Variants in SGCZ observed in about 807,000 individuals in gnomAD.
The protein encoded by SGCZ is sarcoglycan zeta, also known as zeta-sarcoglycan.
A neutral mutation model predicts 41.3 loss-of-function variants in SGCZ; 40 were observed. The ratio of observed to expected loss-of-function variants is 0.97; its 90% CI spans 0.75 to 1.26. The LOEUF is 1.26. Ranked by LOEUF, SGCZ falls within the 50% of genes most tolerant of loss-of-function variation. The probability of loss-of-function intolerance (pLI) is 0.00; values close to 1 mark genes in which losing one functional copy is unlikely to be tolerated. For missense variants in SGCZ, 552 were observed against 369.8 expected (o/e 1.49, Z -4.04); for synonymous variants, 206 against 137.5 (o/e 1.50, Z -3.49).
intron 1 of SGCZ, among the ~76,000 whole-genome samples, chr8:14,629,721 CT>C (rs33943778): frequency 0.35 from 52,850 of 151,836 alleles, 9,439 homozygotes; most frequent in East Asian, 0.63. Context: ...CTATTTAGGA[CT>C]TTTTTAGGGT....
intron 3 of SGCZ, among the ~76,000 whole-genome samples, chr8:14,298,806 CT>C (rs1186023529): frequency 6.6e-5 from 10 of 152,046 alleles, no homozygotes; most frequent in African/African-American, 2.4e-4. Flanking sequence ...CAAATTCTAA[CT>C]GGTGTGTGTG....
At position 15,034,672 on chromosome 8, in the gene SGCZ, T is replaced by C. The variant is rs188766393; in HGVS notation, c.39+202913A>G. 1.4e-4 allele frequency among the ~76,000 whole-genome samples: 22 copies of C among 152,200 alleles called. No homozygotes were observed. In the East Asian group the frequency reaches 3.1e-3, roughly 21 times the overall value. ...ACCAAAACATACTATAACCAAATGG[T>C]TGAAAGTATAAAACCAAGAGAGGAC... On this transcript the variant is annotated intron_variant, in intron 1 of 7. Transcript: ENST00000382080.
chr8:14,460,796 A>C (rs553580875), intron 2 of SGCZ, among the ~76,000 whole-genome samples: 3 of 152,284 alleles, frequency 2.0e-5, no homozygotes, highest in African/African-American at 7.2e-5. Flanking sequence ...TAAAGTTGGG[A>C]GTCTAAAATT....
At chr8:15,183,271 T>G (rs892981291) in intron 1 of SGCZ, among the ~76,000 whole-genome samples, 1 of 152,352 alleles carries the variant, frequency 6.6e-6, no homozygotes, top group African/African-American at 2.4e-5. Context: ...TGTACATAAT[T>G]TTCTATGCTA....
chr8:14,962,897 A>C (rs1443306422), intron 1 of SGCZ, among the ~76,000 whole-genome samples: 2 of 152,170 alleles, frequency 1.3e-5, no homozygotes, highest in African/African-American at 4.8e-5. Context: ...GACATGAAAA[A>C]CAAAAAATCC....
At chr8:14,204,632 A>G (rs560052408) in intron 4 of SGCZ, among the ~76,000 whole-genome samples, 1 of 152,286 alleles carries the variant, frequency 6.6e-6, no homozygotes, top group African/African-American at 2.4e-5. Context: ...AATTGACTAG[A>G]GAAAACCTCC....
intron 1 of SGCZ, among the ~76,000 whole-genome samples, chr8:14,598,111 C>A (rs568214780): frequency 2.5e-4 from 38 of 152,100 alleles, no homozygotes; most frequent in African/African-American, 8.7e-4. Context: ...TGTGCAATGG[C>A]CACCTCAGAT....
At chr8:14,427,414 G>C (rs1438401796) in intron 2 of SGCZ, among the ~76,000 whole-genome samples, 2 of 152,112 alleles carry the variant, frequency 1.3e-5, no homozygotes. Flanking sequence ...TTTGGACCAT[G>C]TAAATTCTTT....
intron 3 of SGCZ, among the ~76,000 whole-genome samples, chr8:14,284,530 G>A (rs376501099): frequency 1.5e-4 from 23 of 152,076 alleles, no homozygotes; most frequent in South Asian, 1.5e-3. Context: ...TTTTTATTCC[G>A]TACGTAGATG....
intron 2 of SGCZ, among the ~76,000 whole-genome samples, chr8:14,409,557 G>C (rs1021426148): frequency 6.6e-6 from 1 of 152,056 alleles, no homozygotes; most frequent in Non-Finnish European, 1.5e-5. Flanking sequence ...AAGACAGGGA[G>C]AGTTGTCTTT....
intron 4 of SGCZ, among the ~76,000 whole-genome samples, chr8:14,181,014 C>T (rs535028042): frequency 6.0e-4 from 91 of 152,182 alleles, no homozygotes; most frequent in Admixed American, 1.8e-3. Flanking sequence ...GAGTCGATAC[C>T]GTTTGCAAGG....
chr8:14,548,075 C>T (rs1281688449), intron 2 of SGCZ, among the ~76,000 whole-genome samples: 1 of 152,084 alleles, frequency 6.6e-6, no homozygotes, highest in African/African-American at 2.4e-5. Flanking sequence ...ATGTCAGGTA[C>T]TTCTGGAACA....
chr8:14,859,584 C>T (rs1803652912), intron 1 of SGCZ, among the ~76,000 whole-genome samples: 3 of 152,176 alleles, frequency 2.0e-5, no homozygotes, highest in Admixed American at 6.6e-5. Context: ...TACAATAATG[C>T]CAATTGTCCC....
At chr8:14,753,151 C>G (rs1440029203) in intron 1 of SGCZ, among the ~76,000 whole-genome samples, 1 of 152,128 alleles carries the variant, frequency 6.6e-6, no homozygotes, top group Non-Finnish European at 1.5e-5. Context: ...ATAATGGGCT[C>G]TATCCTTAGC....
chr8:14,460,545 G>C (rs1800872316), intron 2 of SGCZ, among the ~76,000 whole-genome samples: 1 of 152,094 alleles, frequency 6.6e-6, no homozygotes, highest in Non-Finnish European at 1.5e-5. Context: ...AGAGGGTCAG[G>C]CATGCAAATA....
intron 1 of SGCZ, among the ~76,000 whole-genome samples, chr8:14,779,979 G>A (rs1427264971): frequency 1.3e-5 from 2 of 152,134 alleles, no homozygotes; most frequent in Admixed American, 1.3e-4. Flanking sequence ...GGACATATCA[G>A]GAGGAAATAA....
At chr8:14,165,042 T>C (rs1804166718) in intron 4 of SGCZ, 3 of 247,406 alleles carry the variant, frequency 1.2e-5, no homozygotes, top group Non-Finnish European at 1.6e-5. Context: ...ACCTGGCACC[T>C]GCTGGATGCT....
At chr8:14,309,273 T>C in intron 3 of SGCZ, 7 of 1,552,872 alleles carry the variant, frequency 4.5e-6, no homozygotes, top group Non-Finnish European at 5.3e-6. Context: ...TCTAGTAATT[T>C]AATGCCTGGC....
intron 4 of SGCZ, among the ~76,000 whole-genome samples, chr8:14,183,748 G>A (rs1804810224): frequency 6.6e-6 from 1 of 152,080 alleles, no homozygotes; most frequent in African/African-American, 2.4e-5. Flanking sequence ...AGGTTTCCCT[G>A]TAAACTAAGA....
Sources: allele counts gnomAD v4.1 joint callset (sites outside exome capture counted in the v4.1 genomes callset), GRCh38; gene constraint gnomAD v4.1.1; transcripts MANE v1.5; gene names NCBI Gene and HGNC (gene_info 2026-07-23, HGNC 2026-07-21).